PATJ: variants seen among roughly 807,000 people sequenced by gnomAD.
PATJ encodes inaD-like protein.
Under a neutral mutation model 224.9 loss-of-function variants are expected in PATJ, and 190 were observed. That is an observed-to-expected ratio of 0.84 (90% CI 0.75 to 0.95). The LOEUF (loss-of-function observed/expected upper bound fraction) is 0.95. Among genes scored for constraint, PATJ ranks in the 40% least tolerant of loss-of-function variants. The pLI, the probability that PATJ is intolerant of heterozygous loss-of-function variation, is 0.00. For synonymous variants in PATJ, 769 were observed against 820.3 expected (o/e 0.94, Z 1.07); for missense variants, 2,121 against 2,270.3 (o/e 0.93, Z 1.34).
chr1:61,941,801 G>C (rs1408082344), intron 27 of PATJ, among the ~76,000 whole-genome samples: 1 of 151,674 alleles, frequency 6.6e-6, no homozygotes. Context: ...TTTTACTCTG[G>C]TAGTAATAAC....
At chr1:62,020,726 T>G (rs1647029546) in intron 29 of PATJ, among the ~76,000 whole-genome samples, 1 of 152,246 alleles carries the variant, frequency 6.6e-6, no homozygotes, top group Non-Finnish European at 1.5e-5. Flanking sequence ...AATTTAGAAG[T>G]ATCAATGTAC....
chr1:62,080,533 T>C (rs983361000), intron 32 of PATJ, among the ~76,000 whole-genome samples: 1 of 152,056 alleles, frequency 6.6e-6, no homozygotes, highest in African/African-American at 2.4e-5. Context: ...GGTTTCACCA[T>C]GTTGGCCAGG....
intron 1 of PATJ, among the ~76,000 whole-genome samples, chr1:61,752,855 CA>C: frequency 6.6e-6 from 1 of 152,154 alleles, no homozygotes; most frequent in East Asian, 1.9e-4. Flanking sequence ...TATAGTGGTC[CA>C]AAATATAGTA....
chr1:61,886,880 C>CTGA (rs1321470176), intron 22 of PATJ, among the ~76,000 whole-genome samples: 1 of 149,062 alleles, frequency 6.7e-6, no homozygotes, highest in African/African-American at 2.5e-5. Flanking sequence ...ACTAGGGAGG[C>CTGA]TGAGGTGGGA....
At position 62,017,921 on chromosome 1, in the gene PATJ, A is replaced by G. The variant is rs1558046903; in HGVS notation, c.3933A>G (p.Pro1311=). 1 of 1,611,510 alleles carries G rather than the reference A, an allele frequency of 6.2e-7. No homozygotes were observed. Among genetic ancestry groups the G allele is most frequent in the East Asian group, 2.2e-5 (1 of 44,810 alleles). Residue 1311 remains proline, a synonymous_variant, in exon 29 of 44, where the codon CCA becomes CCG. Transcript: ENST00000642238. The part of the protein sequence containing the change: ...QNASAIIKTA[P]SKVKLVFIRN... ...CATCTGCCATTATTAAGACTGCCCC[A>G]TCAAAGGTCAAGCTGGTTTTCATCA...
chr1:61,745,708 C>A (rs34206888), intron 1 of PATJ, among the ~76,000 whole-genome samples: 13,617 of 151,384 alleles, frequency 0.09, 755 homozygotes, highest in Non-Finnish European at 0.12. Flanking sequence ...GGGTCAAGCG[C>A]TTCTCTTGCC....
Position 61,927,825 on chromosome 1 carries a change from C to T in PATJ, c.3666C>T (p.Thr1222=), listed in dbSNP as rs746763628. 18 of 1,606,600 alleles carry T rather than the reference C, an allele frequency of 1.1e-5. No individual in the cohort carries two copies. The highest frequency in any genetic ancestry group is 2.2e-5 in the East Asian group (1 of 44,782). Residue 1222 remains threonine (T), a synonymous_variant, in exon 27 of 44, where the codon ACC becomes ACT. Transcript: ENST00000642238. ...AAAATGAAGAAGAAGATGCCTTTAC[C>T]GACCGTGAGTGCCTTTTCACTATTT... ...SDENEEEDAF[T]DQKIRQRYAD...
intron 27 of PATJ, among the ~76,000 whole-genome samples, chr1:61,977,663 C>T (rs995167957): frequency 6.6e-6 from 1 of 151,796 alleles, no homozygotes; most frequent in Non-Finnish European, 1.5e-5. Flanking sequence ...ACACTGATTA[C>T]AGGTATGATC....
At chr1:62,156,983 A>G (rs941399310) in intron 43 of PATJ, among the ~76,000 whole-genome samples, 2 of 152,006 alleles carry the variant, frequency 1.3e-5, no homozygotes, top group African/African-American at 4.8e-5. Flanking sequence ...ACCTTTCAAA[A>G]TTCCTGTGGG....
chr1:61,933,991 A>C (rs1310844527), intron 27 of PATJ, among the ~76,000 whole-genome samples: 1 of 151,456 alleles, frequency 6.6e-6, no homozygotes, highest in Non-Finnish European at 1.5e-5. Flanking sequence ...GCTGGAGTGC[A>C]GTGGTGCAAT....
intron 43 of PATJ, among the ~76,000 whole-genome samples, chr1:62,159,183 G>T (rs1669599069): frequency 6.6e-6 from 1 of 152,046 alleles, no homozygotes; most frequent in South Asian, 2.1e-4. Flanking sequence ...AGATTTGAGT[G>T]AAGTTGCAAG....
At chr1:62,114,000 A>C (rs1475564) in intron 34 of PATJ, 53 bp from the exon 35 acceptor site, 1,126,587 of 1,532,360 alleles carry the variant, frequency 0.74, 416,806 homozygotes, top group East Asian at 0.9. Flanking sequence ...GCAGACAGAG[A>C]AGGCAGAGAC....
intron 31 of PATJ, among the ~76,000 whole-genome samples, chr1:62,078,194 G>A (rs1658648342): frequency 1.3e-5 from 2 of 152,222 alleles, no homozygotes; most frequent in Admixed American, 1.3e-4. Context: ...TGCAGATCCA[G>A]AAGGCAGGTC....
intron 27 of PATJ, among the ~76,000 whole-genome samples, chr1:61,984,161 A>ATTTTT (rs760341540): frequency 1.5e-5 from 2 of 129,626 alleles, no homozygotes; most frequent in South Asian, 2.5e-4. Context: ...TATTATTATT[A>ATTTTT]TTATTTTTTT....
intron 7 of PATJ, among the ~76,000 whole-genome samples, chr1:61,781,433 G>T (rs1003327651): frequency 1.5e-5 from 2 of 136,588 alleles, no homozygotes; most frequent in African/African-American, 5.5e-5. Context: ...CCCATTTGTT[G>T]CTTATTACCA....
At chr1:61,819,821 G>A (rs1373357439) in intron 14 of PATJ, among the ~76,000 whole-genome samples, 2 of 152,150 alleles carry the variant, frequency 1.3e-5, no homozygotes, top group African/African-American at 4.8e-5. Context: ...CCTGCATTTA[G>A]CAACTAACCA....
At chr1:62,019,646 A>G (rs1646966148) in intron 29 of PATJ, among the ~76,000 whole-genome samples, 1 of 152,084 alleles carries the variant, frequency 6.6e-6, no homozygotes, top group Admixed American at 6.6e-5. Flanking sequence ...TTTGTATATT[A>G]AGATGAGCCC....
At chr1:61,947,076 T>A (rs915646970) in intron 27 of PATJ, among the ~76,000 whole-genome samples, 4 of 152,100 alleles carry the variant, frequency 2.6e-5, no homozygotes, top group African/African-American at 9.7e-5. Context: ...CTCAAAATAA[T>A]AAGAGCTATT....
At chr1:62,057,522 C>T (rs1654751949) in intron 31 of PATJ, among the ~76,000 whole-genome samples, 3 of 152,094 alleles carry the variant, frequency 2.0e-5, no homozygotes, top group Admixed American at 2.0e-4. Context: ...ACGCTGATGC[C>T]CTGGTTGAGA....
Sources: gnomAD v4.1 joint callset for allele counts (sites outside exome capture counted in the v4.1 genomes callset) on GRCh38, gnomAD v4.1.1 for gene constraint, MANE v1.5 for transcripts, NCBI Gene and HGNC (gene_info 2026-07-23, HGNC 2026-07-21) for gene names.